WWC1: variants seen among roughly 807,000 people sequenced by gnomAD.
WWC1 encodes the protein WW and C2 domain containing 1.
WWC1 carries 55 observed loss-of-function variants against 138.4 expected under a neutral mutation model. That is an observed-to-expected ratio of 0.40 (90% confidence interval 0.32 to 0.50). The LOEUF (loss-of-function observed/expected upper bound fraction) is 0.50, where lower values mean the gene tolerates loss of function less well. WWC1 is among the 20% of genes least tolerant of loss of function. The probability of loss-of-function intolerance (pLI) is 0.72; values close to 1 mark genes in which losing one functional copy is unlikely to be tolerated. For synonymous variants in WWC1, 524 were observed against 564.9 expected (o/e 0.93, Z 1.03); for missense variants, 1,226 against 1,420.4 (o/e 0.86, Z 2.20).
At chr5:168,403,083 C>CTTTCTTTCTTTTT (rs1779502702) in intron 5 of WWC1, among the ~76,000 whole-genome samples, 3 of 100,448 alleles carry the variant, frequency 3.0e-5, no homozygotes, top group Admixed American at 1.1e-4. Context: ...TCTTTCTTTT[C>CTTTCTTTCTTTTT]TTTCTTTTCT....
rs539489080 is a variant in WWC1, at chr5:168,448,178, G to A, written c.2525+3593G>A. 1.8e-4 allele frequency among the ~76,000 whole-genome samples: 28 copies of A among 152,172 alleles called. No homozygotes were observed. In the East Asian group the frequency reaches 3.3e-3, roughly 18 times the overall value. On this transcript the variant is annotated intron_variant, in intron 17 of 22. Coordinates refer to ENST00000265293, the MANE Select transcript of WWC1 (RefSeq NM_015238.3). ...TGCTGTAGTGGGGCAAACCATCTGCGGCCCCCTCCCCCAAGACTGGAAGCC... is the reference window on the plus strand; with the variant it reads ...TGCTGTAGTGGGGCAAACCATCTGCAGCCCCCTCCCCCAAGACTGGAAGCC...
At chr5:168,414,084 T>C in intron 8 of WWC1, 1 of 439,526 alleles carries the variant, frequency 2.3e-6, no homozygotes, top group Non-Finnish European at 4.1e-6. Context: ...TGAATCCACA[T>C]CTCTATTGTA....
At chr5:168,295,483 C>CGTGTGTGTGTGTGTGTGTGT (rs3138761) in intron 1 of WWC1, among the ~76,000 whole-genome samples, 42 of 142,566 alleles carry the variant, frequency 2.9e-4, no homozygotes, top group African/African-American at 9.2e-4. Context: ...ATTTCTACTC[C>CGTGTGTGTGTGTGTGTGTGT]GTGTGTGTGT....
At position 168,469,554 on chromosome 5, in the gene WWC1, C is replaced by G. The variant is rs1757580213; in HGVS notation, c.*537C>G. 6.5e-6 allele frequency: 1 copy of G among 154,492 alleles called. No homozygotes were observed. Among genetic ancestry groups the G allele is most frequent in the South Asian group, 2.0e-4 (1 of 4,978 alleles). The allele number at this position is 154,492 out of a possible 1,614,324, so 9.6% of individuals were successfully genotyped here. On this transcript the variant is annotated 3_prime_UTR_variant, in exon 23 of 23. Coordinates refer to ENST00000265293, the MANE Select transcript of WWC1 (RefSeq NM_015238.3). Reference sequence around the variant, plus strand: ...ATTCAGAGGTGCATCCACGGATCTTCTTGAGCTGTGACGTGTTTTTATGTG... The same window carrying G: ...ATTCAGAGGTGCATCCACGGATCTTGTTGAGCTGTGACGTGTTTTTATGTG...
chr5:168,416,685 C>T (rs1338389157), intron 9 of WWC1, among the ~76,000 whole-genome samples: 1 of 152,166 alleles, frequency 6.6e-6, no homozygotes, highest in Non-Finnish European at 1.5e-5. Flanking sequence ...GGGTCAAAAG[C>T]AATACGCTTC....
At chr5:168,441,343 T>G (rs1050589829) in intron 15 of WWC1, among the ~76,000 whole-genome samples, 2 of 152,220 alleles carry the variant, frequency 1.3e-5, no homozygotes, top group Admixed American at 6.5e-5. Flanking sequence ...AGATCTCTTT[T>G]GCAACAATGT....
At chr5:168,460,940 G>T (rs1158920547) in intron 20 of WWC1, among the ~76,000 whole-genome samples, 198 bp downstream of exon 20, 1 of 152,146 alleles carries the variant, frequency 6.6e-6, no homozygotes, top group Non-Finnish European at 1.5e-5. Context: ...AGGTGCTGAA[G>T]GGTAAATGTA....
At chr5:168,427,424 G>A (rs927021187) in intron 11 of WWC1, among the ~76,000 whole-genome samples, 2 of 152,100 alleles carry the variant, frequency 1.3e-5, no homozygotes, top group Non-Finnish European at 2.9e-5. Context: ...AGTATCTCAA[G>A]GTCATGAAGC....
At chr5:168,296,063 G>C (rs1361951564) in intron 1 of WWC1, among the ~76,000 whole-genome samples, 1 of 152,156 alleles carries the variant, frequency 6.6e-6, no homozygotes, top group Non-Finnish European at 1.5e-5. Context: ...AGTAACTCTG[G>C]GTGCTTTTGT....
chr5:168,462,138 G>T (rs1295402862), intron 20 of WWC1, among the ~76,000 whole-genome samples: 1 of 152,144 alleles, frequency 6.6e-6, no homozygotes, highest in African/African-American at 2.4e-5. Context: ...ATAGCCCCCA[G>T]TAGGGGCAGG....
chr5:168,356,615 G>A (rs1269643067), intron 1 of WWC1, among the ~76,000 whole-genome samples: 1 of 152,216 alleles, frequency 6.6e-6, no homozygotes, highest in Non-Finnish European at 1.5e-5. Context: ...TTCTACCTTA[G>A]TGTCACCTTC....
In WWC1 at chr5:168,360,414, G is replaced by T. The variant is rs116723866; in HGVS notation, c.120-11010G>T. On this transcript the variant is annotated intron_variant, in intron 1 of 22. Coordinates refer to ENST00000265293, the MANE Select transcript of WWC1 (RefSeq NM_015238.3). ...TCAGTTTCCTGTTGGTGAAATTGGG[G>T]TGATTGTACCTGCCTCACAGAAATA... Among the ~76,000 whole-genome samples the T allele has an allele frequency of 6.6e-3, 999 of 152,260 alleles. 12 individuals carry two copies. The highest frequency in any genetic ancestry group is 0.023 in the African/African-American group (942 of 41,540).
chr5:168,362,819 AG>A (rs1438046439), intron 1 of WWC1, among the ~76,000 whole-genome samples: 1 of 152,200 alleles, frequency 6.6e-6, no homozygotes, highest in African/African-American at 2.4e-5. Context: ...AGCAGGGCAG[AG>A]GGAAGACAGA....
intron 17 of WWC1, among the ~76,000 whole-genome samples, chr5:168,448,642 G>A (rs909791191): frequency 4.9e-5 from 6 of 121,780 alleles, no homozygotes; most frequent in African/African-American, 7.4e-5. Flanking sequence ...TTTTTGAGAC[G>A]GAGTCTTGTT....
At chr5:168,445,922 A>G (rs1194169160) in intron 17 of WWC1, among the ~76,000 whole-genome samples, 2 of 152,074 alleles carry the variant, frequency 1.3e-5, no homozygotes, top group African/African-American at 2.4e-5. Context: ...AAAAGAGAGC[A>G]TGCCTGTGTA....
intron 11 of WWC1, among the ~76,000 whole-genome samples, chr5:168,425,928 A>G (rs1043790810): frequency 9.2e-5 from 14 of 152,306 alleles, no homozygotes; most frequent in African/African-American, 2.9e-4. Context: ...CAGAACGCAC[A>G]CTGTTATCCA....
chr5:168,432,750 CA>C (rs1007289182), intron 15 of WWC1, among the ~76,000 whole-genome samples: 1 of 152,032 alleles, frequency 6.6e-6, no homozygotes, highest in African/African-American at 2.4e-5. Context: ...AAGATGTAAA[CA>C]AACTGTGAGG....
chr5:168,334,260 C>G (rs1773274246), intron 1 of WWC1, among the ~76,000 whole-genome samples: 1 of 151,752 alleles, frequency 6.6e-6, no homozygotes, highest in Non-Finnish European at 1.5e-5. Flanking sequence ...AAACTCTTCT[C>G]TCCCTAACGT....
chr5:168,409,924 C>T lies in WWC1; in HGVS notation c.870C>T (p.Phe290=), dbSNP rs140790211. The change falls in exon 8 of 23, where the codon TTC becomes TTT. Residue 290 remains phenylalanine (F), a splice_region_variant and synonymous_variant. Transcript: ENST00000265293. ...VSSQTDISGS[F]GINSNNQLAE... is the part of the protein sequence containing the mutation. ...CTGACTTTGTTCTTCTCCTCCAGTT[C>T]GGCATCAACAGCAACAATCAGTTGG... The T allele has an allele frequency of 5.5e-5, 88 of 1,613,774 alleles. No homozygotes were observed. Among genetic ancestry groups the T allele is most frequent in the Admixed American group, 8.3e-5 (5 of 59,982 alleles).
Sources: gnomAD v4.1 joint callset for allele counts (sites outside exome capture counted in the v4.1 genomes callset) on GRCh38, gnomAD v4.1.1 for gene constraint, MANE v1.5 for transcripts, NCBI Gene and HGNC (gene_info 2026-07-23, HGNC 2026-07-21) for gene names.